SLITRK6: variants seen among roughly 807,000 people sequenced by gnomAD.
SLITRK6 encodes the protein SLIT and NTRK like family member 6.
SLITRK6 carries 35 observed loss-of-function variants against 55.6 expected under a neutral mutation model. That is an observed-to-expected ratio of 0.63 (90% CI 0.48 to 0.83). The LOEUF (loss-of-function observed/expected upper bound fraction) is 0.83, where lower values mean the gene tolerates loss of function less well. Ranked by LOEUF, SLITRK6 falls within the 40% of genes least tolerant of loss-of-function variation. The probability of loss-of-function intolerance (pLI) is 0.00; values close to 1 mark genes in which losing one functional copy is unlikely to be tolerated. For missense variants in SLITRK6, 977 were observed against 986.4 expected (o/e 0.99, Z 0.13); for synonymous variants, 392 against 359.6 (o/e 1.09, Z -1.02).
rs770960511 is a variant in SLITRK6 at position 85,796,450 on chromosome 13, G to A, written c.59C>T (p.Ser20Phe). 5 of 1,601,712 alleles carry A rather than the reference G, an allele frequency of 3.1e-6. No individual in the cohort carries two copies. Among genetic ancestry groups the A allele is most frequent in the South Asian group, 1.1e-5 (1 of 89,046 alleles). The part of the protein sequence containing the change: ...SSLLACISLH[S>F]QTPVLSSRGS... Reference sequence around the variant, plus strand: ...TCTGGATGAGAGCACTGGAGTTTGGGAGTGTAAAGATATACAGGCAAGGAG... The same window carrying A: ...TCTGGATGAGAGCACTGGAGTTTGGAAGTGTAAAGATATACAGGCAAGGAG... Residue 20 changes from serine (S) to phenylalanine (F), a missense_variant, in exon 2 of 2, where the codon TCC becomes TTC. Coordinates refer to ENST00000647374, the MANE Select transcript of SLITRK6 (RefSeq NM_032229.3).
At position 85,799,285 on chromosome 13, in the gene SLITRK6, G is replaced by C. The variant is rs1208111170; in HGVS notation, c.-396C>G. The C allele has an allele frequency of 6.6e-6, 1 of 152,062 alleles. No homozygotes were observed. Among genetic ancestry groups the C allele is most frequent in the Non-Finnish European group, 1.5e-5 (1 of 68,016 alleles). 9.4% of individuals were successfully genotyped at this position (152,062 alleles called of 1,614,324 possible). ...CAAGATGTTTAACAGAGCTGAGATT[G>C]ATCACTCTTGCTTTCTTAGGTTGTA... is the stretch of plus-strand genomic sequence containing the variant. On this transcript the variant is annotated 5_prime_UTR_variant, in exon 1 of 2. It adds an upstream start codon to the 5' untranslated region. Coordinates refer to ENST00000647374, the MANE Select transcript of SLITRK6 (RefSeq NM_032229.3).
rs201449316 is a variant in SLITRK6 at position 85,794,606 on chromosome 13, G to A, written c.1903C>T (p.Arg635Cys). 4.6e-5 allele frequency: 75 copies of A among 1,612,904 alleles called. No individual in the cohort carries two copies. In the Admixed American group the frequency reaches 4.7e-4, roughly 10 times the overall value. ...AAGIVVLVLHRRRRYKKKQVD... is the reference protein window; with the variant it reads ...AAGIVVLVLHCRRRYKKKQVD... The stretch of plus-strand genomic sequence containing the variant: ...TGTTTCTTTTTGTATCTTCTCCTGC[G>A]GTGAAGAACAAGAACCACTATCCCT... Residue 635 changes from arginine (R) to cysteine (C), a missense_variant, in exon 2 of 2, where the codon CGC (arginine) becomes TGC (cysteine). Arg to Cys is a radical substitution (Grantham distance 180). Transcript: ENST00000647374.
Position 85,794,782 on chromosome 13 carries a change from G to A in SLITRK6, c.1727C>T (p.Pro576Leu). The stretch of plus-strand genomic sequence containing the variant: ...GACCATAAGGTAACTAGTCTGTGTT[G>A]GCATGGATGGGTTATTTACTAAACC... Reference protein sequence around the residue: ...CPGLVNNPSMPTQTSYLMVTT... With the variant: ...CPGLVNNPSMLTQTSYLMVTT... The change falls in exon 2 of 2, where the codon CCA becomes CTA. Residue 576 changes from proline (P) to leucine (L), a missense_variant. Transcript: ENST00000647374. 1 of 1,613,122 alleles carries A rather than the reference G, an allele frequency of 6.2e-7. No individual in the cohort carries two copies. The highest frequency in any genetic ancestry group is 1.1e-5 in the South Asian group (1 of 91,062).
At chr13:85,796,640 AT>A in intron 1 of SLITRK6, 108 bp from the exon 2 acceptor site, 1 of 860,044 alleles carries the variant, frequency 1.2e-6, no homozygotes, top group Non-Finnish European at 1.6e-6. Context: ...CAAATGACGG[AT>A]TACCATGAAA....
intron 1 of SLITRK6, among the ~76,000 whole-genome samples, chr13:85,798,244 C>T (rs567633027): frequency 6.6e-6 from 1 of 151,994 alleles, no homozygotes; most frequent in South Asian, 2.1e-4. Flanking sequence ...TGTGGATTAG[C>T]TTCCACAATC....
At chr13:85,796,683 G>GTTTATT (rs1874737176) in intron 1 of SLITRK6, among the ~76,000 whole-genome samples, 151 bp from the exon 2 acceptor site, 1 of 134,234 alleles carries the variant, frequency 7.4e-6, no homozygotes. Flanking sequence ...TACATCATTT[G>GTTTATT]TTTCTTTTTT....
chr13:85,797,906 A>T (rs1356048228), intron 1 of SLITRK6, among the ~76,000 whole-genome samples: 1 of 151,948 alleles, frequency 6.6e-6, no homozygotes, highest in East Asian at 1.9e-4. Context: ...AACTTTTCAA[A>T]ATAGTAATCA....
chr13:85,796,075 T>G lies in SLITRK6; in HGVS notation c.434A>C (p.Asn145Thr). The change falls in exon 2 of 2, where the codon AAC (asparagine) becomes ACC (threonine). Residue 145 changes from asparagine (N) to threonine (T), a missense_variant. Coordinates refer to ENST00000647374, the MANE Select transcript of SLITRK6 (RefSeq NM_032229.3). ...LENLEFLQAD[N>T]NFITVIEPSA... ...TGGTTCAATCACTGTGATAAAATTG[T>G]TATCTGCTTGCAGGAATTCCAGGTT... 1 of 1,612,940 alleles carries G rather than the reference T, an allele frequency of 6.2e-7. No homozygotes were observed. The highest frequency in any genetic ancestry group is 8.5e-7 in the Non-Finnish European group (1 of 1,179,440).
chr13:85,796,676 A>T, intron 1 of SLITRK6, 144 bp from the exon 2 acceptor site: 1 of 555,914 alleles, frequency 1.8e-6, no homozygotes, highest in Admixed American at 4.0e-5. Flanking sequence ...CTGCATTTAC[A>T]TCATTTGTTT....
Position 85,799,413 on chromosome 13 carries a change from TAAAG to T in SLITRK6, c.-528_-525del, listed in dbSNP as rs1874814936. 1 of 152,030 alleles carries T rather than the reference TAAAG, an allele frequency of 6.6e-6. No homozygotes were observed. The highest frequency in any genetic ancestry group is 6.6e-5 in the Admixed American group (1 of 15,196). The allele number at this position is 152,030 out of a possible 1,614,324, so 9.4% of individuals were successfully genotyped here. A position where few individuals can be genotyped will look rare whatever the true frequency, so the allele number is the denominator to read the frequency against. ...CCAAGGGCTGGGAGGTAGGCGTAAA[TAAAG>T]AGACTTCTTGGCTTTTGACTCAGCC... On this transcript the variant is annotated 5_prime_UTR_variant, in exon 1 of 2. Transcript: ENST00000647374.
At chr13:85,797,168 T>TATATATATAC (rs1208498830) in intron 1 of SLITRK6, among the ~76,000 whole-genome samples, 3 of 149,910 alleles carry the variant, frequency 2.0e-5, no homozygotes, top group Non-Finnish European at 3.0e-5. Context: ...TATATATATA[T>TATATATATAC]ACTAATTTTA....
Position 85,795,719 on chromosome 13 carries a change from C to T in SLITRK6, c.790G>A (p.Glu264Lys), listed in dbSNP as rs776598851. 3 of 1,612,784 alleles carry T rather than the reference C, an allele frequency of 1.9e-6. No homozygotes were observed. The highest frequency in any genetic ancestry group is 1.7e-6 in the Non-Finnish European group (2 of 1,179,294). The stretch of plus-strand genomic sequence containing the variant: ...ACTGGTGGAGTAGGGCAAATAGATT[C>T]CTTCTTTAGTCTACTGAGTATACTT... The part of the protein sequence containing the change: ...KGSILSRLKK[E>K]SICPTPPVYE... The change falls in exon 2 of 2, where the codon GAA becomes AAA. Residue 264 changes from glutamate to lysine, a missense_variant. Physicochemically the swap from Glu to Lys is moderately conservative, Grantham distance 56 (BLOSUM62 1). Transcript: ENST00000647374.
chr13:85,798,156 G>A (rs117576529), intron 1 of SLITRK6, among the ~76,000 whole-genome samples: 1,932 of 152,030 alleles, frequency 0.013, 18 homozygotes, highest in Admixed American at 0.023. Context: ...TTATTTTTCT[G>A]TAGGTAAATA....
In SLITRK6 at chr13:85,795,936, A is replaced by C. The variant is rs373914404; in HGVS notation, c.573T>G (p.Arg191=). 3 of 1,612,884 alleles carry C rather than the reference A, an allele frequency of 1.9e-6. No individual in the cohort carries two copies. The highest frequency in any genetic ancestry group is 2.5e-6 in the Non-Finnish European group (3 of 1,179,406). The change falls in exon 2 of 2, where the codon CGT becomes CGG. Residue 191 remains arginine (R), a synonymous_variant. Coordinates refer to ENST00000647374, the MANE Select transcript of SLITRK6 (RefSeq NM_032229.3). ...AAGGCAATGTTTGTAATTGATTTCC[A>C]CGAAGATCTAGATGGGTTAAAGGAA... The part of the protein sequence containing the change: ...RFVPLTHLDL[R]GNQLQTLPYV...
At position 85,794,442 on chromosome 13, in the gene SLITRK6, G is replaced by A; in HGVS notation, c.2067C>T (p.Val689=). The A allele has an allele frequency of 6.2e-7, 1 of 1,613,288 alleles. No homozygotes were observed. Among genetic ancestry groups the A allele is most frequent in the Non-Finnish European group, 8.5e-7 (1 of 1,179,560 alleles). ...TTGGACCAAAGGATGGACTTCTATA[G>A]ACATGAACCATGGGGCTCACCATGT... ...EQHMVSPMVH[V]YRSPSFGPKH... is the part of the protein sequence containing the mutation. The change falls in exon 2 of 2, where the codon GTC becomes GTT. Residue 689 remains valine, a synonymous_variant. Transcript: ENST00000647374.
In SLITRK6 at chr13:85,796,628, A is replaced by T. The variant is rs537669490; in HGVS notation, c.-24-96T>A. Reference sequence around the variant, plus strand: ...CAAAATAATAGGTTTTTCTCCAAAAAGCAAATGACGGATTACCATGAAAAT... The same window carrying T: ...CAAAATAATAGGTTTTTCTCCAAAATGCAAATGACGGATTACCATGAAAAT... On this transcript the variant is annotated intron_variant, in intron 1 of 1. Transcript: ENST00000647374. The T allele has an allele frequency of 1.7e-5, 17 of 1,004,918 alleles. No homozygotes were observed. The Admixed American group carries it at 1.9e-4, about 11-fold the overall frequency. 62.3% of individuals were successfully genotyped at this position (1,004,918 alleles called of 1,614,324 possible). A position where few individuals can be genotyped will look rare whatever the true frequency, so the allele number is the denominator to read the frequency against.
In SLITRK6 at chr13:85,795,220, A is replaced by G. The variant is rs762410887; in HGVS notation, c.1289T>C (p.Met430Thr). The change falls in exon 2 of 2, where the codon ATG becomes ACG. Residue 430 changes from methionine to threonine, a missense_variant. Physicochemically the swap from Met to Thr is moderately conservative, Grantham distance 81 (BLOSUM62 -1). Transcript: ENST00000647374. The part of the protein sequence containing the change: ...GNHLTKLSKG[M>T]FLGLHNLEYL... ...TTCAAGATTATGGAGACCAAGGAAC[A>G]TGCCTTTACTTAATTTGGTCAGGTG... 6.2e-6 allele frequency: 10 copies of G among 1,612,482 alleles called. No individual in the cohort carries two copies. In the South Asian group the frequency reaches 1.1e-4, roughly 18 times the overall value.
rs980179122 is a variant in SLITRK6 at position 85,796,096 on chromosome 13, A to G, written c.413T>C (p.Leu138Pro). Residue 138 changes from leucine to proline, a missense_variant, in exon 2 of 2, where the codon CTG becomes CCG. Coordinates refer to ENST00000647374, the MANE Select transcript of SLITRK6 (RefSeq NM_032229.3). ...KEDTFHGLEN[L>P]EFLQADNNFI... ...ATTGTTATCTGCTTGCAGGAATTCC[A>G]GGTTTTCCAGTCCATGGAAAGTATC... 2 of 1,612,646 alleles carry G rather than the reference A, an allele frequency of 1.2e-6. No individual in the cohort carries two copies. The highest frequency in any genetic ancestry group is 1.7e-6 in the Non-Finnish European group (2 of 1,179,364).
At position 85,793,879 on chromosome 13, in the gene SLITRK6, G is replaced by C; in HGVS notation, c.*104C>G. 1 of 1,323,868 alleles carries C rather than the reference G, an allele frequency of 7.6e-7. No homozygotes were observed. Among genetic ancestry groups the C allele is most frequent in the Non-Finnish European group, 1.0e-6 (1 of 979,078 alleles). The allele number at this position is 1,323,868 out of a possible 1,614,324, so 82.0% of individuals were successfully genotyped here. A position where few individuals can be genotyped will look rare whatever the true frequency, so the allele number is the denominator to read the frequency against. On this transcript the variant is annotated 3_prime_UTR_variant, in exon 2 of 2. Transcript: ENST00000647374. ...TTTTTTCCCCATAGTTTACTGCTGT[G>C]CTTAGGTTCTGATTGATGACACACT... is the stretch of plus-strand genomic sequence containing the variant.
Sources: allele counts gnomAD v4.1 joint callset (sites outside exome capture counted in the v4.1 genomes callset), GRCh38; gene constraint gnomAD v4.1.1; transcripts MANE v1.5; gene names NCBI Gene and HGNC (gene_info 2026-07-23, HGNC 2026-07-21).